Variants in DPP10 observed in about 807,000 individuals in gnomAD.
The protein encoded by DPP10 is dipeptidyl peptidase like 10.
DPP10 carries 33 observed loss-of-function variants against 120.9 expected under a neutral mutation model. The ratio of observed to expected loss-of-function variants is 0.27; its 90% CI spans 0.21 to 0.37. The LOEUF (loss-of-function observed/expected upper bound fraction) is 0.37, where lower values mean the gene tolerates loss of function less well. Among genes scored for constraint, DPP10 ranks in the 10% least tolerant of loss-of-function variants. The pLI is 1.00. For synonymous variants in DPP10, 337 were observed against 326.1 expected (o/e 1.03, Z -0.36); for missense variants, 816 against 942.8 (o/e 0.87, Z 1.76).
At chr2:114,679,620 G>A (rs975231413) in intron 1 of DPP10, among the ~76,000 whole-genome samples, 1 of 151,960 alleles carries the variant, frequency 6.6e-6, no homozygotes, top group African/African-American at 2.4e-5. Flanking sequence ...CATGCAAGTT[G>A]TGTGTCCTTA....
chr2:115,526,814 G>A lies in DPP10; in HGVS notation c.441+842G>A, dbSNP rs189359593. On this transcript the variant is annotated intron_variant, in intron 5 of 25. Coordinates refer to ENST00000410059, the MANE Select transcript of DPP10 (RefSeq NM_020868.6). ...AAAGAACTGCTATTTGATGGCTTTA[G>A]TCTTTTGGAATATACATGTGCTATA... Among the ~76,000 whole-genome samples, 10 of 152,158 alleles carry A rather than the reference G, an allele frequency of 6.6e-5. No homozygotes were observed. The East Asian group carries it at 1.9e-3, about 29-fold the overall frequency.
chr2:114,884,567 T>C (rs1426943133), intron 1 of DPP10, among the ~76,000 whole-genome samples: 1 of 152,200 alleles, frequency 6.6e-6, no homozygotes, highest in Non-Finnish European at 1.5e-5. Context: ...TTATGTTTTT[T>C]TATTTCAATA....
intron 1 of DPP10, among the ~76,000 whole-genome samples, chr2:115,048,402 C>G (rs778733624): frequency 6.6e-6 from 1 of 152,076 alleles, no homozygotes; most frequent in East Asian, 1.9e-4. Context: ...TATAACTTAG[C>G]TTGCACTGGC....
Position 115,101,806 on chromosome 2 carries a change from G to A in DPP10, c.61-207433G>A, listed in dbSNP as rs79580157. ...TATTTACACTTTCTAGGCCACACATGTTTTTCCAAGGCCTCTAACGCACTT... is the reference window on the plus strand; with the variant it reads ...TATTTACACTTTCTAGGCCACACATATTTTTCCAAGGCCTCTAACGCACTT... On this transcript the variant is annotated intron_variant, in intron 1 of 25. Coordinates refer to ENST00000410059, the MANE Select transcript of DPP10 (RefSeq NM_020868.6). 6.3e-3 allele frequency among the ~76,000 whole-genome samples: 955 copies of A among 152,252 alleles called. 16 individuals carry two copies. Among genetic ancestry groups the A allele is most frequent in the African/African-American group, 0.022 (912 of 41,544 alleles).
intron 8 of DPP10, among the ~76,000 whole-genome samples, chr2:115,734,144 A>G (rs1230546551): frequency 6.6e-6 from 1 of 152,192 alleles, no homozygotes; most frequent in Non-Finnish European, 1.5e-5. Flanking sequence ...TAGCATTTTT[A>G]TGGGGAAGAA....
chr2:114,874,949 C>T (rs537004779), intron 1 of DPP10, among the ~76,000 whole-genome samples: 68 of 152,206 alleles, frequency 4.5e-4, no homozygotes, highest in African/African-American at 1.4e-3. Flanking sequence ...CTTTGCTGTT[C>T]AGGTATATGC....
chr2:114,469,772 T>C (rs1679750062), intron 1 of DPP10, among the ~76,000 whole-genome samples: 1 of 151,996 alleles, frequency 6.6e-6, no homozygotes, highest in South Asian at 2.1e-4. Flanking sequence ...AATGGCCAAA[T>C]GGTTGAACAG....
At chr2:114,813,254 A>C (rs1167146983) in intron 1 of DPP10, among the ~76,000 whole-genome samples, 18 of 152,172 alleles carry the variant, frequency 1.2e-4, no homozygotes, top group Non-Finnish European at 1.5e-5. Flanking sequence ...TACACTAAAA[A>C]CATATATAGG....
intron 1 of DPP10, among the ~76,000 whole-genome samples, chr2:114,810,243 A>G (rs933481658): frequency 6.6e-6 from 1 of 152,234 alleles, no homozygotes; most frequent in African/African-American, 2.4e-5. Flanking sequence ...TAGCTAGAGT[A>G]ATAGCTACTG....
At chr2:115,440,704 G>C (rs1391767923) in intron 3 of DPP10, among the ~76,000 whole-genome samples, 44 of 142,210 alleles carry the variant, frequency 3.1e-4, no homozygotes, top group South Asian at 1.2e-3. Context: ...GAAGCAAAAT[G>C]GTTACAGAGA....
chr2:114,933,813 A>G (rs1696257813), intron 1 of DPP10, among the ~76,000 whole-genome samples: 1 of 152,176 alleles, frequency 6.6e-6, no homozygotes, highest in Admixed American at 6.5e-5. Flanking sequence ...CTGATTCAGT[A>G]GATCCAGAGA....
At position 115,824,198 on chromosome 2, in the gene DPP10, T is replaced by A. The variant is rs184999070; in HGVS notation, c.1950+8469T>A. On this transcript the variant is annotated intron_variant, in intron 21 of 25. Transcript: ENST00000410059. ...TTTAAAAAAATGCTCAATGTTTTTG[T>A]CGTGTGTATAATTGTTTAGTTTAAT... Among the ~76,000 whole-genome samples, 5 of 152,320 alleles carry A rather than the reference T, an allele frequency of 3.3e-5. No individual in the cohort carries two copies. The East Asian group carries it at 5.8e-4, about 18-fold the overall frequency.
At chr2:114,859,312 G>A (rs76779509) in intron 1 of DPP10, among the ~76,000 whole-genome samples, 3,422 of 150,892 alleles carry the variant, frequency 0.023, 142 homozygotes, top group African/African-American at 0.08. Context: ...AGCTAGCAGC[G>A]AGCCAAGATC....
chr2:115,322,676 C>T (rs1479132544), intron 2 of DPP10, among the ~76,000 whole-genome samples: 6 of 152,162 alleles, frequency 3.9e-5, no homozygotes, highest in Non-Finnish European at 5.9e-5. Flanking sequence ...TCAATAAATG[C>T]AGGCATGCAT....
chr2:115,587,630 T>G (rs556580508), intron 5 of DPP10, among the ~76,000 whole-genome samples: 1 of 152,286 alleles, frequency 6.6e-6, no homozygotes, highest in African/African-American at 2.4e-5. Context: ...AGCCAAGATA[T>G]AGAAACAAGA....
intron 1 of DPP10, among the ~76,000 whole-genome samples, chr2:114,613,430 A>T (rs1693434007): frequency 6.6e-6 from 1 of 152,166 alleles, no homozygotes; most frequent in African/African-American, 2.4e-5. Flanking sequence ...TTCTCAAGCC[A>T]ATTAGAATGG....
At chr2:115,344,422 G>A (rs953417555) in intron 3 of DPP10, among the ~76,000 whole-genome samples, 2 of 152,084 alleles carry the variant, frequency 1.3e-5, no homozygotes, top group South Asian at 2.1e-4. Flanking sequence ...GAGCTAGTAC[G>A]TAGAAATGTT....
At chr2:115,553,373 T>C (rs1307174675) in intron 5 of DPP10, among the ~76,000 whole-genome samples, 1 of 141,760 alleles carries the variant, frequency 7.1e-6, no homozygotes, top group Admixed American at 6.8e-5. Flanking sequence ...GATTCATAAA[T>C]GAAAATTATC....
chr2:114,469,457 G>A (rs1255749941), intron 1 of DPP10, among the ~76,000 whole-genome samples: 5 of 152,216 alleles, frequency 3.3e-5, no homozygotes, highest in Admixed American at 2.0e-4. Context: ...TGGGCGGGGT[G>A]TGGTGGCTCA....
Sources: gnomAD v4.1 joint callset for allele counts (sites outside exome capture counted in the v4.1 genomes callset) on GRCh38, gnomAD v4.1.1 for gene constraint, MANE v1.5 for transcripts, NCBI Gene and HGNC (gene_info 2026-07-23, HGNC 2026-07-21) for gene names.